The following PPFIBP2 variants were observed in gnomAD, a reference collection of about 807,000 sequenced individuals.
The protein encoded by PPFIBP2 is PPFIB scaffold protein 2.
Under a neutral mutation model 118.3 loss-of-function variants are expected in PPFIBP2, and 118 were observed. The observed-to-expected ratio is 1.00, with a 90% CI of 0.86 to 1.16. The LOEUF (loss-of-function observed/expected upper bound fraction) is 1.16. PPFIBP2 is among the 50% of genes most tolerant of loss of function. The pLI is 0.00. For synonymous variants in PPFIBP2, 414 were observed against 397.4 expected, an observed-to-expected ratio of 1.04 and a Z score of -0.50; for missense variants, 1,195 against 1,073.1, an observed-to-expected ratio of 1.11 and a Z score of -1.59.
rs1239319791 is a variant in PPFIBP2, at chr11:7,593,666, G to A, written c.372+442G>A. On this transcript the variant is annotated intron_variant, in intron 4 of 23. Coordinates refer to ENST00000299492, the MANE Select transcript of PPFIBP2 (RefSeq NM_003621.5). ...AATCAAGTCCAAATTGTCTGAAGCT[G>A]GATCTAGACTGATCCCTTTAATGCC... Among the ~76,000 whole-genome samples, 4 of 152,214 alleles carry A rather than the reference G, an allele frequency of 2.6e-5. No homozygotes were observed. In the South Asian group the frequency reaches 8.3e-4, roughly 32 times the overall value.
At chr11:7,647,782 T>C (rs1392442907) in intron 17 of PPFIBP2, among the ~76,000 whole-genome samples, 1 of 152,246 alleles carries the variant, frequency 6.6e-6, no homozygotes. Context: ...CTTCTTGTTC[T>C]TATTTATCTC....
Position 7,577,330 on chromosome 11 carries a change from T to TGCGTGTGTGTGTGTGC in PPFIBP2, c.279+11564_279+11565insCGTGTGTGTGTGTGCG, listed in dbSNP as rs72088699. The TGCGTGTGTGTGTGTGC allele has an allele frequency of 6.4e-4, 159 of 246,956 alleles. 2 individuals are homozygous for TGCGTGTGTGTGTGTGC. The East Asian group carries it at 0.012, about 18-fold the overall frequency. 15.3% of individuals were successfully genotyped at this position (246,956 alleles called of 1,614,324 possible). ...GCGTGCATGTATGTGCGTGTGTGTGTGTGTGTGTGTGTGTGTGTGTGTTTG... is the reference window on the plus strand; with the variant it reads ...GCGTGCATGTATGTGCGTGTGTGTGTGCGTGTGTGTGTGTGCGTGTGTGTGTGTGTGTGTGTGTTTG... On this transcript the variant is annotated intron_variant, in intron 3 of 23. Transcript: ENST00000299492.
intron 14 of PPFIBP2, among the ~76,000 whole-genome samples, chr11:7,638,767 G>A (rs753901802): frequency 6.6e-6 from 1 of 152,096 alleles, no homozygotes; most frequent in African/African-American, 2.4e-5. Context: ...TTTCTCTCAG[G>A]TTTGCAGATT....
intron 17 of PPFIBP2, among the ~76,000 whole-genome samples, chr11:7,646,990 A>G (rs1853176883): frequency 6.6e-6 from 1 of 152,138 alleles, no homozygotes; most frequent in African/African-American, 2.4e-5. Context: ...TGTAAGTTCC[A>G]GGCCTCGTAA....
intron 1 of PPFIBP2, among the ~76,000 whole-genome samples, chr11:7,542,931 T>C (rs762489396): frequency 6.6e-6 from 1 of 152,248 alleles, no homozygotes; most frequent in African/African-American, 2.4e-5. Flanking sequence ...TTATACTGAT[T>C]TTACAGATGA....
At chr11:7,649,040 TG>T (rs1565124719) in intron 19 of PPFIBP2, 106 bp from the exon 20 acceptor site, 1 of 1,364,970 alleles carries the variant, frequency 7.3e-7, no homozygotes, top group South Asian at 1.3e-5. Context: ...ACTAAACTTT[TG>T]GGGGAATAAA....
At chr11:7,540,251 G>A (rs540880128) in intron 1 of PPFIBP2, among the ~76,000 whole-genome samples, 4 of 100,966 alleles carry the variant, frequency 4.0e-5, no homozygotes, top group Non-Finnish European at 7.4e-5. Context: ...TGAGGGGTGT[G>A]GGGGGGCGGT....
intron 3 of PPFIBP2, among the ~76,000 whole-genome samples, chr11:7,578,121 A>G (rs1380650627): frequency 6.6e-6 from 1 of 152,216 alleles, no homozygotes; most frequent in East Asian, 1.9e-4. Context: ...GCTTTCAGGG[A>G]GTTCTCTTTG....
intron 2 of PPFIBP2, among the ~76,000 whole-genome samples, chr11:7,564,543 A>T (rs1481166161): frequency 6.6e-6 from 1 of 152,258 alleles, no homozygotes; most frequent in Admixed American, 6.5e-5. Context: ...TGAATACAGT[A>T]ATTGTCATCT....
chr11:7,621,165 A>G, intron 7 of PPFIBP2, 138 bp downstream of exon 7: 1 of 650,696 alleles, frequency 1.5e-6, no homozygotes, highest in South Asian at 1.8e-5. Context: ...AGCAGTGCCC[A>G]GATGGTGCAG....
chr11:7,656,632 C>T, downstream of PPFIBP2: 1 of 855,628 alleles, frequency 1.2e-6, no homozygotes, highest in Non-Finnish European at 1.7e-6. Flanking sequence ...TCAGATGCAG[C>T]CCTCACCCAG....
At chr11:7,573,972 G>A (rs527436292) in intron 3 of PPFIBP2, 1 of 152,368 alleles carries the variant, frequency 6.6e-6, no homozygotes, top group African/African-American at 2.4e-5. Flanking sequence ...ACCTCAGGGG[G>A]CCTCAGCTCC....
chr11:7,649,489 A>G (rs1853646737), intron 20 of PPFIBP2, 43 bp from the exon 21 acceptor site: 4 of 1,612,412 alleles, frequency 2.5e-6, no homozygotes, highest in African/African-American at 1.3e-5. Context: ...GTCTTTTGTC[A>G]CTTTGGAAAC....
At chr11:7,559,839 G>C (rs186552129) in intron 2 of PPFIBP2, among the ~76,000 whole-genome samples, 27 of 152,228 alleles carry the variant, frequency 1.8e-4, no homozygotes, top group South Asian at 8.3e-4. Flanking sequence ...TCTAGAGTCA[G>C]CTTGAATTAA....
At chr11:7,597,279 G>A in intron 4 of PPFIBP2, 1 of 1,535,564 alleles carries the variant, frequency 6.5e-7, no homozygotes, top group Admixed American at 2.0e-5. Context: ...CCCAGAGGCA[G>A]CTCCTGTGGC....
At chr11:7,621,090 C>A in intron 7 of PPFIBP2, 63 bp downstream of exon 7, 1 of 1,332,428 alleles carries the variant, frequency 7.5e-7, no homozygotes, top group Non-Finnish European at 1.1e-6. Context: ...GGTCTGCATT[C>A]CAACTTGGGG....
intron 5 of PPFIBP2, among the ~76,000 whole-genome samples, chr11:7,600,861 G>A (rs1861302543): frequency 6.6e-6 from 1 of 152,198 alleles, no homozygotes. Context: ...AAGGATCTCT[G>A]CTTTTAAAAT....
intron 2 of PPFIBP2, among the ~76,000 whole-genome samples, chr11:7,555,730 C>T (rs1853535566): frequency 6.6e-6 from 1 of 152,190 alleles, no homozygotes; most frequent in Non-Finnish European, 1.5e-5. Context: ...TGACAGCCCT[C>T]ATTCCATTTT....
intron 1 of PPFIBP2, among the ~76,000 whole-genome samples, chr11:7,544,773 A>T (rs1398973502): frequency 8.7e-5 from 4 of 45,974 alleles, no homozygotes; most frequent in African/African-American, 3.3e-4. Context: ...GACTCCATCT[A>T]AAAAAAAAAA....
Sources: gnomAD v4.1 joint callset for allele counts (sites outside exome capture counted in the v4.1 genomes callset) on GRCh38, gnomAD v4.1.1 for gene constraint, MANE v1.5 for transcripts, NCBI Gene and HGNC (gene_info 2026-07-23, HGNC 2026-07-21) for gene names.